The following TCF7L2 variants were observed in gnomAD, a reference collection of about 807,000 sequenced individuals.
TCF7L2 encodes the protein transcription factor 7-like 2.
Under a neutral mutation model 77.9 loss-of-function variants are expected in TCF7L2, and 23 were observed. That is an observed-to-expected ratio of 0.30 (90% CI 0.21 to 0.42). The LOEUF is 0.42. Ranked by LOEUF, TCF7L2 falls within the 10% of genes least tolerant of loss-of-function variation. The pLI, the probability that TCF7L2 is intolerant of heterozygous loss-of-function variation, is 1.00. For missense variants in TCF7L2, 654 were observed against 793.1 expected (o/e 0.82, Z 2.11); for synonymous variants, 413 against 340.2 (o/e 1.21, Z -2.36).
chr10:113,148,787 T>C (rs2070068393), intron 8 of TCF7L2, among the ~76,000 whole-genome samples: 1 of 152,238 alleles, frequency 6.6e-6, no homozygotes, highest in African/African-American at 2.4e-5. Context: ...ACATCCATGT[T>C]CACACATGGT....
At chr10:112,977,264 C>G (rs1004160282) in intron 4 of TCF7L2, among the ~76,000 whole-genome samples, 1 of 152,102 alleles carries the variant, frequency 6.6e-6, no homozygotes, top group African/African-American at 2.4e-5. Flanking sequence ...TGATAGTAGC[C>G]CATTCTAGGG....
chr10:113,136,219 C>T (rs2067369190), intron 5 of TCF7L2, among the ~76,000 whole-genome samples: 1 of 152,162 alleles, frequency 6.6e-6, no homozygotes, highest in Admixed American at 6.5e-5. Flanking sequence ...AGCACAGAGG[C>T]ACACAGACAC....
intron 8 of TCF7L2, among the ~76,000 whole-genome samples, chr10:113,146,954 C>T (rs1017059225): frequency 1.1e-4 from 17 of 152,136 alleles, no homozygotes; most frequent in African/African-American, 3.6e-4. Context: ...TATATTTCAG[C>T]GTAGAAACAT....
chr10:113,090,652 C>T (rs1417566023), intron 5 of TCF7L2, among the ~76,000 whole-genome samples: 1 of 152,162 alleles, frequency 6.6e-6, no homozygotes, highest in Non-Finnish European at 1.5e-5. Flanking sequence ...GCTCTGTTGC[C>T]CAGGCCAGAG....
intron 5 of TCF7L2, among the ~76,000 whole-genome samples, chr10:113,124,793 C>T (rs942345513): frequency 2.0e-5 from 3 of 151,512 alleles, no homozygotes; most frequent in Non-Finnish European, 2.9e-5. Context: ...TTGCGCAGTT[C>T]GTTAAGCTTC....
intron 8 of TCF7L2, among the ~76,000 whole-genome samples, chr10:113,147,552 G>A (rs1196622468): frequency 1.3e-5 from 2 of 152,204 alleles, no homozygotes; most frequent in South Asian, 2.1e-4. Flanking sequence ...AGAAGAGGAG[G>A]CGTAACACTT....
rs117419398 is a variant in TCF7L2, at chr10:113,050,761, C to A, written c.552+10635C>A. Reference sequence around the variant, plus strand: ...TCAAAGGCTGAATAAGTGAGTTTGACTGACAGAGGCCATCTCCATTTTTAG... The same window carrying A: ...TCAAAGGCTGAATAAGTGAGTTTGAATGACAGAGGCCATCTCCATTTTTAG... On this transcript the variant is annotated intron_variant, in intron 5 of 13. Coordinates refer to ENST00000627217, the MANE Select transcript of TCF7L2 (RefSeq NM_001146274.2). 5.0e-3 allele frequency among the ~76,000 whole-genome samples: 767 copies of A among 152,310 alleles called. 15 individuals carry two copies. Among genetic ancestry groups the A allele is most frequent in the East Asian group, 0.045 (232 of 5,180 alleles).
chr10:113,004,250 A>G (rs1465644285), intron 4 of TCF7L2, among the ~76,000 whole-genome samples: 1 of 152,182 alleles, frequency 6.6e-6, no homozygotes, highest in Non-Finnish European at 1.5e-5. Flanking sequence ...AAGCCCAAAG[A>G]GTCTTGGCAG....
At chr10:113,129,830 T>C in intron 5 of TCF7L2, 1 of 1,289,118 alleles carries the variant, frequency 7.8e-7, no homozygotes, top group Non-Finnish European at 1.0e-6. Context: ...GAGAAAGTTT[T>C]TTTAGAGGTG....
intron 5 of TCF7L2, chr10:113,129,177 A>G: frequency 2.9e-6 from 1 of 346,278 alleles, no homozygotes; most frequent in Non-Finnish European, 4.1e-6. Flanking sequence ...CTTCCGTGTC[A>G]CTGTGACAAG....
intron 5 of TCF7L2, among the ~76,000 whole-genome samples, chr10:113,070,302 T>C (rs2057833942): frequency 1.4e-5 from 2 of 144,636 alleles, no homozygotes; most frequent in Non-Finnish European, 3.0e-5. Context: ...AATTAATTAA[T>C]TTAATGTTGC....
At chr10:113,084,720 C>T (rs983727661) in intron 5 of TCF7L2, among the ~76,000 whole-genome samples, 1 of 151,976 alleles carries the variant, frequency 6.6e-6, no homozygotes, top group African/African-American at 2.4e-5. Context: ...CATGGTGAAA[C>T]CCGGTCTCTA....
intron 5 of TCF7L2, among the ~76,000 whole-genome samples, chr10:113,052,963 C>T (rs1255478571): frequency 6.6e-6 from 1 of 152,134 alleles, no homozygotes; most frequent in Admixed American, 6.5e-5. Flanking sequence ...TAAAAAGATA[C>T]AAACGAACTT....
chr10:113,069,769 C>T (rs549927139), intron 5 of TCF7L2, among the ~76,000 whole-genome samples: 5 of 152,148 alleles, frequency 3.3e-5, no homozygotes, highest in Non-Finnish European at 5.9e-5. Context: ...CACAGGTTCT[C>T]GTGTCTGCTT....
At chr10:113,129,692 T>C (rs2136483248) in intron 5 of TCF7L2, 1 of 1,196,044 alleles carries the variant, frequency 8.4e-7, no homozygotes, top group South Asian at 1.6e-5. Flanking sequence ...TCGATCTTTT[T>C]AGATGCTTTT....
In TCF7L2 at chr10:113,098,620, C is replaced by T. The variant is rs549030576; in HGVS notation, c.553-42564C>T. On this transcript the variant is annotated intron_variant, in intron 5 of 13. Coordinates refer to ENST00000627217, the MANE Select transcript of TCF7L2 (RefSeq NM_001146274.2). ...ACTCAGGAGGCTGAGGCAGGAGAAT[C>T]GCTTGAACCTGGGAGGCAGTGGTTG... Among the ~76,000 whole-genome samples the T allele has an allele frequency of 3.9e-5, 6 of 152,166 alleles. No individual in the cohort carries two copies. The South Asian group carries it at 8.3e-4, about 21-fold the overall frequency.
chr10:113,051,314 C>T (rs982964172), intron 5 of TCF7L2, among the ~76,000 whole-genome samples: 27 of 151,760 alleles, frequency 1.8e-4, no homozygotes, highest in Admixed American at 9.2e-4. Flanking sequence ...ATGGGTGAGG[C>T]GGAAATGCCT....
chr10:113,116,282 C>T (rs546383907), intron 5 of TCF7L2, among the ~76,000 whole-genome samples: 1 of 152,102 alleles, frequency 6.6e-6, no homozygotes, highest in Non-Finnish European at 1.5e-5. Flanking sequence ...AGATTTGATA[C>T]TCTCAAGTAT....
At chr10:113,108,491 C>T (rs1591792928) in intron 5 of TCF7L2, among the ~76,000 whole-genome samples, 1 of 152,114 alleles carries the variant, frequency 6.6e-6, no homozygotes, top group African/African-American at 2.4e-5. Flanking sequence ...ATAGAGATGC[C>T]ATTGTTTTCT....
Sources: allele counts gnomAD v4.1 joint callset (sites outside exome capture counted in the v4.1 genomes callset), GRCh38; gene constraint gnomAD v4.1.1; transcripts MANE v1.5; gene names NCBI Gene and HGNC (gene_info 2026-07-23, HGNC 2026-07-21).